The following PTPRA variants were observed in gnomAD, a reference collection of about 807,000 sequenced individuals.
PTPRA encodes the protein protein tyrosine phosphatase receptor type A.
Under a neutral mutation model 104.8 loss-of-function variants are expected in PTPRA, and 25 were observed. The observed-to-expected ratio is 0.24, with a 90% CI of 0.17 to 0.33. The LOEUF (loss-of-function observed/expected upper bound fraction) is 0.33, where lower values mean the gene tolerates loss of function less well. Among genes scored for constraint, PTPRA ranks in the 10% least tolerant of loss-of-function variants. The pLI, the probability that PTPRA is intolerant of heterozygous loss-of-function variation, is 1.00. For synonymous variants in PTPRA, 323 were observed against 368.9 expected, an observed-to-expected ratio of 0.88 and a Z score of 1.43; for missense variants, 765 against 1,015.3, an observed-to-expected ratio of 0.75 and a Z score of 3.35.
rs150178961 is a variant in PTPRA at position 2,989,761 on chromosome 20, T to G, written c.738+1287T>G. On this transcript the variant is annotated intron_variant, in intron 9 of 23. Transcript: ENST00000399903. ...AGCTGGGCACGGTGGCTCACGCCTG[T>G]AATCCCAGCACTTTGGGAGGCCAAG... Among the ~76,000 whole-genome samples the G allele has an allele frequency of 4.1e-3, 623 of 152,318 alleles. 9 individuals carry two copies. In the East Asian group the frequency reaches 0.048, roughly 12 times the overall value.
chr20:2,913,769 C>T (rs1405400756), intron 1 of PTPRA, among the ~76,000 whole-genome samples: 1 of 152,082 alleles, frequency 6.6e-6, no homozygotes, highest in Non-Finnish European at 1.5e-5. Context: ...TTTTCTCTAC[C>T]ATACATTTAA....
At chr20:2,902,559 A>G (rs2059277713) in intron 1 of PTPRA, among the ~76,000 whole-genome samples, 1 of 152,210 alleles carries the variant, frequency 6.6e-6, no homozygotes, top group South Asian at 2.1e-4. Context: ...CATATTGGAA[A>G]GATTGATGCC....
At chr20:2,864,526 A>G in the PTPRA span, 1 of 1,614,038 alleles carries the variant, frequency 6.2e-7, no homozygotes, top group Non-Finnish European at 8.5e-7. The surrounding 1 kb of genome is among the most constrained non-coding windows in gnomAD (Gnocchi z 5.2). Flanking sequence ...TTGCTGACTG[A>G]TTGCCTGCCT....
intron 9 of PTPRA, among the ~76,000 whole-genome samples, chr20:3,002,666 C>T (rs2063689401): frequency 6.6e-6 from 1 of 152,170 alleles, no homozygotes. Context: ...GTCTCAAATG[C>T]ATCCATTTCC....
intron 19 of PTPRA, 134 bp from the exon 20 acceptor site, chr20:3,027,573 T>G: frequency 8.1e-7 from 1 of 1,241,186 alleles, no homozygotes; most frequent in South Asian, 1.5e-5. Context: ...GGTTTCGTCC[T>G]TGGCCACAGG....
chr20:3,005,025 A>G, intron 9 of PTPRA, 31 bp from the exon 10 acceptor site: 1 of 1,536,956 alleles, frequency 6.5e-7, no homozygotes. Context: ...ATCCCTGCTA[A>G]TAATTCCTCT....
At chr20:2,994,986 C>T (rs565831377) in intron 9 of PTPRA, among the ~76,000 whole-genome samples, 67 of 151,860 alleles carry the variant, frequency 4.4e-4, no homozygotes, top group African/African-American at 1.5e-3. Flanking sequence ...AAAAATTAGC[C>T]GGGCATGGTG....
At chr20:2,891,859 C>T (rs2058804666) in intron 1 of PTPRA, among the ~76,000 whole-genome samples, 1 of 152,170 alleles carries the variant, frequency 6.6e-6, no homozygotes, top group African/African-American at 2.4e-5. Flanking sequence ...CCTAAATAAT[C>T]TCCAGATTAC....
chr20:3,028,393 G>A (rs147233276), intron 20 of PTPRA, among the ~76,000 whole-genome samples: 8 of 152,284 alleles, frequency 5.3e-5, no homozygotes, highest in Non-Finnish European at 7.4e-5. Context: ...AAGCCCTCAG[G>A]TCTATTAAAA....
intron 1 of PTPRA, among the ~76,000 whole-genome samples, chr20:2,878,969 T>C (rs979080718): frequency 6.6e-6 from 1 of 152,228 alleles, no homozygotes; most frequent in African/African-American, 2.4e-5. Context: ...AATAGGATCA[T>C]AGCAGTATAA....
intron 1 of PTPRA, among the ~76,000 whole-genome samples, chr20:2,921,643 AT>A (rs1427874566): frequency 1.3e-5 from 2 of 152,052 alleles, no homozygotes; most frequent in African/African-American, 4.8e-5. Context: ...GTGAATGTTA[AT>A]TTATGTGCCA....
intron 9 of PTPRA, 94 bp from the exon 10 acceptor site, chr20:3,004,962 A>G: frequency 8.9e-7 from 1 of 1,123,992 alleles, no homozygotes. Context: ...AGGAAAAGGT[A>G]GAACATGCTA....
intron 1 of PTPRA, among the ~76,000 whole-genome samples, chr20:2,884,514 C>T (rs2090258261): frequency 6.6e-6 from 1 of 152,104 alleles, no homozygotes; most frequent in African/African-American, 2.4e-5. Context: ...ATTTGCATTT[C>T]CATGATGATT....
At chr20:2,965,352 A>G (rs2061906186) in intron 5 of PTPRA, 150 bp downstream of exon 5, 2 of 760,506 alleles carry the variant, frequency 2.6e-6, no homozygotes, top group Non-Finnish European at 2.1e-6. Context: ...TTTTTGGGTT[A>G]GCATGAGTGA....
intron 9 of PTPRA, among the ~76,000 whole-genome samples, chr20:2,990,635 G>T (rs2063129054): frequency 1.3e-5 from 2 of 152,202 alleles, no homozygotes; most frequent in Admixed American, 1.3e-4. Context: ...GGGAGATGAG[G>T]TGGGAGTATC....
intron 3 of PTPRA, among the ~76,000 whole-genome samples, chr20:2,959,069 A>G (rs1402749935): frequency 6.6e-6 from 1 of 152,118 alleles, no homozygotes; most frequent in Non-Finnish European, 1.5e-5. Flanking sequence ...AGTTTGCCTC[A>G]AAGTCTTTCT....
rs1051669659 is a variant in PTPRA, at chr20:3,037,786, T to G, written c.2335-273T>G. Reference sequence around the variant, plus strand: ...ATGGTAAGCGTGGGCCATGCTCAGCTGCACTGTCTCCCAGCCCAGCACATG... The same window carrying G: ...ATGGTAAGCGTGGGCCATGCTCAGCGGCACTGTCTCCCAGCCCAGCACATG... On this transcript the variant is annotated intron_variant, in intron 23 of 23. Coordinates refer to ENST00000399903, the MANE Select transcript of PTPRA (RefSeq NM_001385305.1). The surrounding 1 kb of genome is among the most constrained non-coding windows in gnomAD (Gnocchi z 4.3). Among the ~76,000 whole-genome samples the G allele has an allele frequency of 6.6e-6, 1 of 152,192 alleles. No homozygotes were observed. Among genetic ancestry groups the G allele is most frequent in the Non-Finnish European group, 1.5e-5 (1 of 68,026 alleles).
intron 9 of PTPRA, among the ~76,000 whole-genome samples, chr20:2,990,400 G>A (rs1301885186): frequency 6.6e-6 from 1 of 152,116 alleles, no homozygotes; most frequent in Non-Finnish European, 1.5e-5. Flanking sequence ...GGTTACTGTG[G>A]TTGGCTGAGA....
chr20:2,989,818 C>T lies in PTPRA; in HGVS notation c.738+1344C>T, dbSNP rs543178245. ...GGATCACAAGGTCAGGAGATCGAGA[C>T]CATCCTGGCTAACACAGTGAAACCC... On this transcript the variant is annotated intron_variant, in intron 9 of 23. Transcript: ENST00000399903. 7.2e-5 allele frequency among the ~76,000 whole-genome samples: 11 copies of T among 152,216 alleles called. No homozygotes were observed. The South Asian group carries it at 1.0e-3, about 14-fold the overall frequency.
Sources: allele counts gnomAD v4.1 joint callset (sites outside exome capture counted in the v4.1 genomes callset), GRCh38; gene constraint gnomAD v4.1.1; non-coding constraint Gnocchi (gnomAD v3.1); transcripts MANE v1.5; gene names NCBI Gene and HGNC (gene_info 2026-07-23, HGNC 2026-07-21).